DLGAP4: variants seen among roughly 807,000 people sequenced by gnomAD.
The protein encoded by DLGAP4 is disks large-associated protein 4.
A neutral mutation model predicts 86.9 loss-of-function variants in DLGAP4; 18 were observed. That is an observed-to-expected ratio of 0.21 (90% CI 0.14 to 0.31). DLGAP4 has a LOEUF of 0.31. Ranked by LOEUF, DLGAP4 falls within the 10% of genes least tolerant of loss-of-function variation. The pLI is 1.00. For missense variants in DLGAP4, 1,085 were observed against 1,362.6 expected (o/e 0.80, Z 3.21); for synonymous variants, 548 against 574.3 (o/e 0.95, Z 0.65).
intron 7 of DLGAP4, among the ~76,000 whole-genome samples, chr20:36,483,438 C>T (rs916355222): frequency 1.3e-5 from 2 of 152,210 alleles, no homozygotes; most frequent in African/African-American, 4.8e-5. Flanking sequence ...GGTCCCTGCT[C>T]TGCTGCCAGA....
intron 2 of DLGAP4, among the ~76,000 whole-genome samples, chr20:36,411,455 G>A (rs1221633138): frequency 6.6e-6 from 1 of 152,126 alleles, no homozygotes; most frequent in Non-Finnish European, 1.5e-5. Context: ...CTGCATAGCA[G>A]TCCATGGGGT....
intron 1 of DLGAP4, among the ~76,000 whole-genome samples, chr20:36,335,732 C>T (rs545758667): frequency 1.9e-3 from 294 of 152,302 alleles, no homozygotes; most frequent in African/African-American, 6.9e-3. Flanking sequence ...CCCCATCCGT[C>T]GTGCCTCCCT....
At position 36,500,170 on chromosome 20, in the gene DLGAP4, T is replaced by TCCCCCCCCCC; in HGVS notation, c.2100-25_2100-24insCCCCCCCCCC. On this transcript the variant is annotated intron_variant, in intron 9 of 12. Transcript: ENST00000339266. The surrounding 1 kb of genome is among the most constrained non-coding windows in gnomAD (Gnocchi z 4.6). ...CCTCTTGGTGACTCACTCCTTCCTG[T>TCCCCCCCCCC]CCCCACCCCATCCACCCCCTACCCA... 1 of 1,515,770 alleles carries TCCCCCCCCCC rather than the reference T, an allele frequency of 6.6e-7. No homozygotes were observed. The highest frequency in any genetic ancestry group is 8.8e-7 in the Non-Finnish European group (1 of 1,130,002). 93.9% of individuals were successfully genotyped at this position (1,515,770 alleles called of 1,614,324 possible).
chr20:36,471,231 G>A, intron 7 of DLGAP4, among the ~76,000 whole-genome samples: 1 of 152,170 alleles, frequency 6.6e-6, no homozygotes. Context: ...GCTCATGCCT[G>A]TAATCCCAGC....
chr20:36,337,517 G>A (rs2069287926), intron 1 of DLGAP4, among the ~76,000 whole-genome samples: 1 of 152,200 alleles, frequency 6.6e-6, no homozygotes, highest in African/African-American at 2.4e-5. Context: ...GGGCCTGAGA[G>A]GGCTGGGTCT....
chr20:36,320,497 G>C (rs111323068), intron 1 of DLGAP4, among the ~76,000 whole-genome samples: 1 of 152,128 alleles, frequency 6.6e-6, no homozygotes, highest in Non-Finnish European at 1.5e-5. Flanking sequence ...GGCTGTGAGT[G>C]GGGGCTCTGG....
At chr20:36,409,838 C>A (rs1336103905) in intron 2 of DLGAP4, among the ~76,000 whole-genome samples, 3 of 151,696 alleles carry the variant, frequency 2.0e-5, no homozygotes, top group Admixed American at 6.6e-5. Context: ...TCGAGACCAT[C>A]CTGGCTAACA....
intron 1 of DLGAP4, among the ~76,000 whole-genome samples, chr20:36,358,623 G>A (rs1453728028): frequency 3.9e-5 from 6 of 152,220 alleles, no homozygotes; most frequent in East Asian, 3.9e-4. Context: ...TGGCTAACAC[G>A]GTGAAACCCT....
chr20:36,436,368 C>T lies in DLGAP4; in HGVS notation c.1241+18C>T, dbSNP rs959395784. ...CCCCGCAGGTAGGCGCGCAGCTCCA[C>T]CCTTACGGTCCCGCCCAGAGGCAAG... On this transcript the variant is annotated intron_variant, in intron 4 of 12. Transcript: ENST00000339266. 3.8e-6 allele frequency: 6 copies of T among 1,574,036 alleles called. No individual in the cohort carries two copies. The highest frequency in any genetic ancestry group is 5.2e-6 in the Non-Finnish European group (6 of 1,164,130).
At chr20:36,462,222 C>T in intron 7 of DLGAP4, 1 of 1,163,060 alleles carries the variant, frequency 8.6e-7, no homozygotes, top group Non-Finnish European at 1.1e-6. Flanking sequence ...ATGTCCTCAG[C>T]TCCCTGACTT....
At chr20:36,357,497 T>C (rs2030368771) in intron 1 of DLGAP4, among the ~76,000 whole-genome samples, 1 of 152,170 alleles carries the variant, frequency 6.6e-6, no homozygotes, top group African/African-American at 2.4e-5. Flanking sequence ...CTGTGAGGAA[T>C]CCAAAGAAGG....
chr20:36,370,364 G>T (rs1845820534), intron 2 of DLGAP4, among the ~76,000 whole-genome samples: 1 of 151,720 alleles, frequency 6.6e-6, no homozygotes, highest in Non-Finnish European at 1.5e-5. Context: ...AAATAGCTGA[G>T]TGTGGTGGCT....
intron 1 of DLGAP4, among the ~76,000 whole-genome samples, chr20:36,326,992 TTC>T (rs2065221125): frequency 2.7e-5 from 4 of 150,324 alleles, no homozygotes; most frequent in Admixed American, 2.0e-4. Context: ...TTTTAAGATT[TTC>T]TCTTTTTTTT....
chr20:36,309,122 T>C (rs2147327803), intron 1 of DLGAP4, among the ~76,000 whole-genome samples: 1 of 152,098 alleles, frequency 6.6e-6, no homozygotes, highest in East Asian at 1.9e-4. Context: ...CCCAGCCCCC[T>C]TCTCCCACGT....
chr20:36,356,046 A>G (rs187103732), intron 1 of DLGAP4, among the ~76,000 whole-genome samples: 21 of 152,102 alleles, frequency 1.4e-4, no homozygotes, highest in African/African-American at 4.3e-4. Context: ...AATCAGAGTG[A>G]CTCTTAGGAC....
intron 1 of DLGAP4, among the ~76,000 whole-genome samples, chr20:36,361,517 A>G (rs555476095): frequency 6.6e-5 from 10 of 152,242 alleles, no homozygotes; most frequent in East Asian, 5.8e-4. Flanking sequence ...TTTTGAAAAG[A>G]TCCTTCTGGC....
At chr20:36,467,047 TCTCTCTCTCTCTCTCTC>T (rs2034427977) in intron 7 of DLGAP4, among the ~76,000 whole-genome samples, 1 of 130,934 alleles carries the variant, frequency 7.6e-6, no homozygotes, top group African/African-American at 3.8e-5. Flanking sequence ...TCTCTCTCTC[TCTCTCTCTCTCTCTCTC>T]CCCCCCCCTT....
chr20:36,365,276 C>T (rs2147410271), intron 1 of DLGAP4, among the ~76,000 whole-genome samples: 1 of 152,330 alleles, frequency 6.6e-6, no homozygotes, highest in African/African-American at 2.4e-5. Flanking sequence ...CAGCTTTGGG[C>T]TCTGGGTGAA....
chr20:36,442,865 G>A, intron 6 of DLGAP4, 88 bp downstream of exon 6: 1 of 1,555,788 alleles, frequency 6.4e-7, no homozygotes, highest in Non-Finnish European at 8.9e-7. Context: ...CCAGCACCCG[G>A]CCCAGGCTGG....
Sources: allele counts gnomAD v4.1 joint callset (sites outside exome capture counted in the v4.1 genomes callset), GRCh38; gene constraint gnomAD v4.1.1; non-coding constraint Gnocchi (gnomAD v3.1); transcripts MANE v1.5; gene names NCBI Gene and HGNC (gene_info 2026-07-23, HGNC 2026-07-21).